Variants in USP24 observed in about 807,000 individuals in gnomAD.
The protein encoded by USP24 is ubiquitin specific peptidase 24, also known as ubiquitin carboxyl-terminal hydrolase 24.
In USP24, 97 loss-of-function variants were observed where a neutral mutation model predicts 361.6. The ratio of observed to expected loss-of-function variants is 0.27; its 90% CI spans 0.23 to 0.32. The LOEUF (loss-of-function observed/expected upper bound fraction) is 0.32. Among genes scored for constraint, USP24 ranks in the 10% least tolerant of loss-of-function variants. USP24 has a pLI of 1.00. For missense variants in USP24, 2,353 were observed against 3,165.6 expected, an observed-to-expected ratio of 0.74 and a Z score of 6.16; for synonymous variants, 1,098 against 1,124.6, an observed-to-expected ratio of 0.98 and a Z score of 0.47.
chr1:55,113,107 C>T (rs1464995285), intron 38 of USP24, among the ~76,000 whole-genome samples: 4 of 151,416 alleles, frequency 2.6e-5, no homozygotes, highest in Non-Finnish European at 4.4e-5. Flanking sequence ...TTTTGCTTTC[C>T]ATTTGCTTGG....
intron 24 of USP24, among the ~76,000 whole-genome samples, chr1:55,141,399 G>A (rs1249175314): frequency 3.3e-5 from 5 of 152,058 alleles, no homozygotes; most frequent in East Asian, 1.9e-4. Flanking sequence ...GGAAGTACTC[G>A]GGTGGTCCTG....
intron 65 of USP24, 144 bp downstream of exon 65, chr1:55,072,642 A>C: frequency 1.1e-6 from 1 of 883,064 alleles, no homozygotes; most frequent in East Asian, 2.7e-5. Context: ...AATGCACACA[A>C]GATATAAACT....
intron 55 of USP24, chr1:55,086,455 G>A (rs891978002): frequency 2.8e-5 from 5 of 175,506 alleles, no homozygotes; most frequent in Admixed American, 2.8e-4. Context: ...CATACAAGGG[G>A]CAGGGGGACA....
chr1:55,147,594 T>A, intron 18 of USP24, 55 bp downstream of exon 18: 1 of 1,500,550 alleles, frequency 6.7e-7, no homozygotes, highest in Non-Finnish European at 8.9e-7. Context: ...AGTATAAGTA[T>A]AAAAAGGTCA....
Position 55,134,312 on chromosome 1 carries a change from A to C in USP24, c.3287+16T>G, listed in dbSNP as rs1473196914. ...TAACTTTCTCTCTGCCAAGCCTCAC[A>C]AATATTTATATTTACCTTGGCTCTT... is the stretch of plus-strand genomic sequence containing the variant. On this transcript the variant is annotated intron_variant, in intron 29 of 67. Transcript: ENST00000294383. The C allele has an allele frequency of 1.2e-6, 2 of 1,608,760 alleles. No individual in the cohort carries two copies. Among genetic ancestry groups the C allele is most frequent in the African/African-American group, 1.3e-5 (1 of 74,826 alleles).
chr1:55,094,186 T>C, intron 51 of USP24, 99 bp from the exon 52 acceptor site: 1 of 1,219,048 alleles, frequency 8.2e-7, no homozygotes, highest in Non-Finnish European at 1.1e-6. Flanking sequence ...TATTAGACTA[T>C]TTGATTATTA....
intron 1 of USP24, among the ~76,000 whole-genome samples, chr1:55,182,003 G>C (rs1255971493): frequency 6.6e-6 from 1 of 152,194 alleles, no homozygotes; most frequent in Admixed American, 6.5e-5. Flanking sequence ...ACAGCAAGAA[G>C]GCAGCCCAGA....
At chr1:55,202,771 G>A (rs185363043) in intron 1 of USP24, among the ~76,000 whole-genome samples, 5 of 152,284 alleles carry the variant, frequency 3.3e-5, no homozygotes, top group Non-Finnish European at 1.5e-5. Context: ...GATAGACTCA[G>A]GCAGGGGATC....
chr1:55,140,465 A>C (rs1646856264), intron 24 of USP24, among the ~76,000 whole-genome samples: 1 of 152,204 alleles, frequency 6.6e-6, no homozygotes, highest in Non-Finnish European at 1.5e-5. Context: ...TGTTCTTATC[A>C]TGAGTTGAAT....
intron 16 of USP24, chr1:55,152,037 T>G (rs963136293): frequency 1.5e-5 from 15 of 972,908 alleles, no homozygotes; most frequent in Non-Finnish European, 1.8e-5. Context: ...TTCACCCCCC[T>G]GCCTGGAGCC....
chr1:55,156,399 T>C (rs1189248858), intron 12 of USP24, among the ~76,000 whole-genome samples: 1 of 140,844 alleles, frequency 7.1e-6, no homozygotes, highest in Non-Finnish European at 1.6e-5. Context: ...ACAAATAAAG[T>C]CAAAGTAGAA....
At chr1:55,128,271 T>G (rs944951383) in intron 32 of USP24, among the ~76,000 whole-genome samples, 3 of 152,298 alleles carry the variant, frequency 2.0e-5, no homozygotes, top group Admixed American at 2.0e-4. Flanking sequence ...GCTCTCAGTC[T>G]ACCCTTCCTC....
chr1:55,183,823 A>C (rs1644046157), intron 1 of USP24, among the ~76,000 whole-genome samples: 1 of 152,206 alleles, frequency 6.6e-6, no homozygotes, highest in South Asian at 2.1e-4. Context: ...TATCATACAC[A>C]CATACAGGAG....
At chr1:55,194,095 G>C (rs1644357655) in intron 1 of USP24, among the ~76,000 whole-genome samples, 1 of 152,098 alleles carries the variant, frequency 6.6e-6, no homozygotes, top group African/African-American at 2.4e-5. Context: ...CCAAGAATTG[G>C]GGAGGTAAGA....
intron 26 of USP24, 123 bp from the exon 27 acceptor site, chr1:55,138,027 T>C (rs886439845): frequency 4.3e-6 from 4 of 930,220 alleles, no homozygotes; most frequent in East Asian, 2.6e-5. Flanking sequence ...GCAGAGAACA[T>C]AAAGACAAGA....
Position 55,083,356 on chromosome 1 carries a change from AATTCCT to A in USP24, c.6885_6890del (p.Gln2295_Ile2297delinsHis). 1 of 1,613,532 alleles carries A rather than the reference AATTCCT, an allele frequency of 6.2e-7. No homozygotes were observed. The highest frequency in any genetic ancestry group is 8.5e-7 in the Non-Finnish European group (1 of 1,179,632). Reference sequence around the variant, plus strand: ...GCCTCAGAAGAAGATCTCCAGCCCTAATTCCTTGCTGTCACAAGATATTGAGAATAA... The same window carrying A: ...GCCTCAGAAGAAGATCTCCAGCCCTATGCTGTCACAAGATATTGAGAATAA... On this transcript the variant is annotated inframe_deletion and splice_region_variant, in exon 58 of 68. Transcript: ENST00000294383.
rs117677800 is a variant in USP24 at position 55,153,099 on chromosome 1, C to T, written c.1860+771G>A. On this transcript the variant is annotated intron_variant, in intron 16 of 67. Transcript: ENST00000294383. ...TAGGCTTTAAGTTTGGTCTGGGCAC[C>T]CTGAGGGTCTAGGTGAGAGGACAAT... Among the ~76,000 whole-genome samples, 72 of 152,192 alleles carry T rather than the reference C, an allele frequency of 4.7e-4. 1 individual carries two copies. In the East Asian group the frequency reaches 0.014, roughly 29 times the overall value.
At position 55,142,769 on chromosome 1, in the gene USP24, G is replaced by A. The variant is rs17111674; in HGVS notation, c.2607C>T (p.Phe869=). ...CTAATCTTGTGTAGCAATCAGCAAT[G>A]AATTTCTTATGTAAAGATACTGAAT... The part of the protein sequence containing the change: ...KKDSVSLHKK[F]IADCYTRLEA... Residue 869 remains phenylalanine (F), a synonymous_variant, in exon 23 of 68, where the codon TTC becomes TTT. Coordinates refer to ENST00000294383, the MANE Select transcript of USP24 (RefSeq NM_015306.3). 6.5e-3 allele frequency: 10,036 copies of A among 1,553,524 alleles called. 512 individuals are homozygous for A. In the African/African-American group the frequency reaches 0.12, roughly 19 times the overall value.
At chr1:55,158,026 G>A (rs114913844) in intron 10 of USP24, among the ~76,000 whole-genome samples, 76 of 152,264 alleles carry the variant, frequency 5.0e-4, no homozygotes, top group African/African-American at 1.8e-3. Flanking sequence ...GTCCCTCTCC[G>A]GTGATGGGAA....
Sources: allele counts gnomAD v4.1 joint callset (sites outside exome capture counted in the v4.1 genomes callset), GRCh38; gene constraint gnomAD v4.1.1; transcripts MANE v1.5; gene names NCBI Gene and HGNC (gene_info 2026-07-23, HGNC 2026-07-21).